The following BMP8A variants were observed in gnomAD, a reference collection of about 807,000 sequenced individuals.
BMP8A encodes the protein BMP-8A.
A neutral mutation model predicts 36.8 loss-of-function variants in BMP8A; 14 were observed. That is an observed-to-expected ratio of 0.38 (90% CI 0.25 to 0.60). The LOEUF (loss-of-function observed/expected upper bound fraction) is 0.60, where lower values mean the gene tolerates loss of function less well. Ranked by LOEUF, BMP8A falls within the 20% of genes least tolerant of loss-of-function variation. The pLI, the probability that BMP8A is intolerant of heterozygous loss-of-function variation, is 0.63. For synonymous variants in BMP8A, 120 were observed against 237.7 expected, an observed-to-expected ratio of 0.50 and a Z score of 4.55; for missense variants, 267 against 551.1, an observed-to-expected ratio of 0.48 and a Z score of 5.16.
chr1:39,505,976 AC>A (rs1426598826), intron 1 of BMP8A, among the ~76,000 whole-genome samples: 4 of 75,888 alleles, frequency 5.3e-5, no homozygotes, highest in Non-Finnish European at 1.0e-4. Flanking sequence ...ACAGAGCAAG[AC>A]CCTGTCTCCA....
At position 39,514,756 on chromosome 1, in the gene BMP8A, C is replaced by T. The variant is rs1013832220; in HGVS notation, c.673+2852C>T. On this transcript the variant is annotated intron_variant, in intron 3 of 6. Transcript: ENST00000331593. ...CTGTGCGCTGGACACGGAGGACTGACTCGGGGCCCCCAGCCCAGGGCGGAG... is the reference window on the plus strand; with the variant it reads ...CTGTGCGCTGGACACGGAGGACTGATTCGGGGCCCCCAGCCCAGGGCGGAG... Among the ~76,000 whole-genome samples, 6 of 152,186 alleles carry T rather than the reference C, an allele frequency of 3.9e-5. 1 individual carries two copies. The highest frequency in any genetic ancestry group is 4.1e-4 in the South Asian group (2 of 4,834).
At position 39,524,011 on chromosome 1, in the gene BMP8A, T is replaced by TACACAC. The variant is rs1645458089; in HGVS notation, c.1059+894_1059+895insACACAC. The TACACAC allele has an allele frequency of 6.2e-5, 9 of 145,302 alleles. No individual in the cohort carries two copies. Among genetic ancestry groups the TACACAC allele is most frequent in the Non-Finnish European group, 1.4e-4 (9 of 66,232 alleles). 9.0% of individuals were successfully genotyped at this position (145,302 alleles called of 1,614,324 possible). A position where few individuals can be genotyped will look rare whatever the true frequency, so the allele number is the denominator to read the frequency against. On this transcript the variant is annotated intron_variant, in intron 6 of 6. Transcript: ENST00000331593. The surrounding 1 kb of genome is among the most constrained non-coding windows in gnomAD (Gnocchi z 4.0). ...ACACACACACACACACACACACACGTGCGCACACAATGCCTTGGTGTGAGA... is the reference window on the plus strand; with the variant it reads ...ACACACACACACACACACACACACGTACACACGCGCACACAATGCCTTGGTGTGAGA...
chr1:39,501,732 G>C (rs549488898), intron 1 of BMP8A, among the ~76,000 whole-genome samples: 1 of 152,116 alleles, frequency 6.6e-6, no homozygotes, highest in African/African-American at 2.4e-5. Flanking sequence ...CAAAGTGATG[G>C]GGTTACAGAC....
chr1:39,523,661 A>C (rs1396671429), intron 6 of BMP8A: 4 of 1,448,146 alleles, frequency 2.8e-6, no homozygotes, highest in Non-Finnish European at 3.6e-6. Context: ...TTTTCTCTGG[A>C]TCCCCTGGCT....
At chr1:39,510,770 G>A (rs1194753622) in intron 1 of BMP8A, among the ~76,000 whole-genome samples, 1 of 152,220 alleles carries the variant, frequency 6.6e-6, no homozygotes, top group African/African-American at 2.4e-5. Context: ...AGGTTTCCCT[G>A]CAGGGCTGGG....
Position 39,527,259 on chromosome 1 carries a change from C to T in BMP8A, c.*1461C>T, listed in dbSNP as rs551339107. The stretch of plus-strand genomic sequence containing the variant: ...CTGAGTTGGGTGGGGAGGTTTGTCT[C>T]GGCCTCCACTGTTCCCGGAAACCGC... On this transcript the variant is annotated 3_prime_UTR_variant, in exon 7 of 7. Transcript: ENST00000331593. Among the ~76,000 whole-genome samples, 88 of 152,268 alleles carry T rather than the reference C, an allele frequency of 5.8e-4. 1 individual carries two copies. Among genetic ancestry groups the T allele is most frequent in the African/African-American group, 2.0e-3 (84 of 41,550 alleles).
At chr1:39,504,742 A>G (rs1645285285) in intron 1 of BMP8A, among the ~76,000 whole-genome samples, 1 of 152,254 alleles carries the variant, frequency 6.6e-6, no homozygotes, top group South Asian at 2.1e-4. Flanking sequence ...GAGGACCCGC[A>G]CCAGCACTGG....
rs1414650135 is a variant in BMP8A at position 39,523,650 on chromosome 1, GT to G, written c.1059+537del. ...CGCAGTTTCTCTCTTGGCTGTCTGT[GT>G]TTTCTCTGGATCCCCTGGCTTTTGA... On this transcript the variant is annotated intron_variant, in intron 6 of 6. Coordinates refer to ENST00000331593, the MANE Select transcript of BMP8A (RefSeq NM_181809.4). 4.8e-6 allele frequency: 7 copies of G among 1,453,918 alleles called. No homozygotes were observed. In the Admixed American group the frequency reaches 1.9e-4, roughly 40 times the overall value. The allele number at this position is 1,453,918 out of a possible 1,614,324, so 90.1% of individuals were successfully genotyped here.
intron 3 of BMP8A, chr1:39,515,891 G>A: frequency 1.3e-6 from 2 of 1,566,270 alleles, no homozygotes; most frequent in Non-Finnish European, 8.7e-7. Flanking sequence ...CGCCAATCTG[G>A]GCATAGGCAT....
chr1:39,495,003 C>G (rs1012728695), intron 1 of BMP8A, among the ~76,000 whole-genome samples: 4 of 30,938 alleles, frequency 1.3e-4, no homozygotes, highest in African/African-American at 5.2e-4. Context: ...CTGGTAATTA[C>G]TGAGGCTGGG....
chr1:39,509,026 G>A (rs1482235425), intron 1 of BMP8A, among the ~76,000 whole-genome samples: 3 of 152,144 alleles, frequency 2.0e-5, no homozygotes, highest in East Asian at 3.9e-4. Flanking sequence ...GCCACAGCAC[G>A]GGCGTCCCCA....
chr1:39,492,302 T>C lies in BMP8A; in HGVS notation c.311T>C (p.Leu104Pro). Residue 104 changes from leucine (L) to proline (P), a missense_variant, in exon 1 of 7, where the codon CTG becomes CCG. By Grantham distance (98) the Leu-to-Pro change is moderately conservative (BLOSUM62 -3). Transcript: ENST00000331593. ...GAGCAGCGCCTGGGCCGCGCCGACC[T>C]GGTCATGAGCTTCGTCAACATGGGT... ...PAEQRLGRADLVMSFVNMVER... is the reference protein window; with the variant it reads ...PAEQRLGRADPVMSFVNMVER... The C allele has an allele frequency of 6.4e-7, 1 of 1,563,640 alleles. No homozygotes were observed. The highest frequency in any genetic ancestry group is 1.1e-5 in the South Asian group (1 of 88,608).
chr1:39,522,638 G>A, intron 5 of BMP8A, 156 bp downstream of exon 5: 1 of 1,247,896 alleles, frequency 8.0e-7, no homozygotes, highest in East Asian at 2.6e-5. Context: ...AATATGGTGA[G>A]AAAGGGTTTT....
chr1:39,495,177 C>T (rs1005662158), intron 1 of BMP8A, among the ~76,000 whole-genome samples: 2 of 152,204 alleles, frequency 1.3e-5, no homozygotes, highest in Non-Finnish European at 2.9e-5. Flanking sequence ...CTGCCAGCTC[C>T]ACCTCTCCTA....
Position 39,525,745 on chromosome 1 carries a change from G to A in BMP8A, c.1156G>A (p.Val386Ile), listed in dbSNP as rs1645476863. The A allele has an allele frequency of 7.4e-6, 12 of 1,614,170 alleles. No homozygotes were observed. Among genetic ancestry groups the A allele is most frequent in the East Asian group, 2.2e-5 (1 of 44,880 alleles). ...SVLYYDSSNN[V>I]ILRKHRNMVV... ...GCTCTACTATGACAGCAGCAACAACGTCATCCTGCGCAAGCACCGCAACAT... is the reference window on the plus strand; with the variant it reads ...GCTCTACTATGACAGCAGCAACAACATCATCCTGCGCAAGCACCGCAACAT... The change falls in exon 7 of 7, where the codon GTC (valine) becomes ATC (isoleucine). Residue 386 changes from valine (V) to isoleucine (I), a missense_variant. Coordinates refer to ENST00000331593, the MANE Select transcript of BMP8A (RefSeq NM_181809.4).
intron 1 of BMP8A, among the ~76,000 whole-genome samples, chr1:39,510,445 C>T (rs1180495208): frequency 1.4e-5 from 2 of 139,910 alleles, no homozygotes; most frequent in African/African-American, 5.2e-5. Context: ...TGTTCCTTTC[C>T]ACGTTTCCCT....
In BMP8A at chr1:39,529,466, T is replaced by C. The variant is rs929136296; in HGVS notation, c.*3668T>C. The stretch of plus-strand genomic sequence containing the variant: ...CCCTGCCCTGGCCCCGTAGTGAGTG[T>C]GGGGCCCACCTGTGCCCTCATGGGC... On this transcript the variant is annotated 3_prime_UTR_variant, in exon 7 of 7. Transcript: ENST00000331593. Among the ~76,000 whole-genome samples, 1 of 152,234 alleles carries C rather than the reference T, an allele frequency of 6.6e-6. No homozygotes were observed. Among genetic ancestry groups the C allele is most frequent in the Admixed American group, 6.5e-5 (1 of 15,284 alleles).
intron 6 of BMP8A, among the ~76,000 whole-genome samples, chr1:39,523,337 C>G (rs1471525997): frequency 6.6e-6 from 1 of 152,236 alleles, no homozygotes; most frequent in Non-Finnish European, 1.5e-5. Context: ...AACACGGACA[C>G]ACGTGAACAG....
chr1:39,505,334 A>G (rs1037745674), intron 1 of BMP8A, among the ~76,000 whole-genome samples: 1 of 152,180 alleles, frequency 6.6e-6, no homozygotes, highest in East Asian at 1.9e-4. Context: ...GAGAATGGCA[A>G]TGACTTTTAC....
Sources: allele counts gnomAD v4.1 joint callset (sites outside exome capture counted in the v4.1 genomes callset), GRCh38; gene constraint gnomAD v4.1.1; non-coding constraint Gnocchi (gnomAD v3.1); transcripts MANE v1.5; gene names NCBI Gene and HGNC (gene_info 2026-07-23, HGNC 2026-07-21).